TENT4B: variants seen among roughly 807,000 people sequenced by gnomAD.
The protein encoded by TENT4B is PAP associated domain containing 5.
Under a neutral mutation model 75.0 loss-of-function variants are expected in TENT4B, and 10 were observed. That is an observed-to-expected ratio of 0.13 (90% CI 0.08 to 0.23). The LOEUF is 0.23. TENT4B is among the 10% of genes least tolerant of loss of function. TENT4B has a pLI of 1.00. For missense variants in TENT4B, 579 were observed against 893.8 expected, an observed-to-expected ratio of 0.65 and a Z score of 4.49; for synonymous variants, 350 against 357.7, an observed-to-expected ratio of 0.98 and a Z score of 0.24.
rs1476853960 is a variant in TENT4B at position 50,232,500 on chromosome 16, A to G, written c.*3172A>G. On this transcript the variant is annotated 3_prime_UTR_variant, in exon 12 of 12. Coordinates refer to ENST00000561678, the MANE Select transcript of TENT4B (RefSeq NM_001365324.3). ...AATTGTCTTTTTCTGCTGGAACCTT[A>G]TATCTCTCCATGTGTTTTCTGCTCC... 11 of 985,318 alleles carry G rather than the reference A, an allele frequency of 1.1e-5. No homozygotes were observed. The highest frequency in any genetic ancestry group is 1.2e-5 in the Non-Finnish European group (10 of 829,932). 61.0% of individuals were successfully genotyped at this position (985,318 alleles called of 1,614,324 possible).
chr16:50,210,515 A>G (rs1432965551), intron 1 of TENT4B, among the ~76,000 whole-genome samples: 4 of 151,998 alleles, frequency 2.6e-5, no homozygotes, highest in Middle Eastern at 3.2e-3. Flanking sequence ...TCCTTTTGCA[A>G]CTCAGTGATT....
intron 3 of TENT4B, among the ~76,000 whole-genome samples, chr16:50,214,847 C>G (rs1433155533): frequency 1.3e-5 from 2 of 151,968 alleles, no homozygotes; most frequent in African/African-American, 4.8e-5. Flanking sequence ...TTGCTCAGTC[C>G]CATAACTTAA....
intron 1 of TENT4B, among the ~76,000 whole-genome samples, chr16:50,180,631 C>T (rs1190039436): frequency 1.3e-5 from 2 of 150,702 alleles, no homozygotes; most frequent in African/African-American, 4.9e-5. Flanking sequence ...ATCGCTTTAA[C>T]TTAGGAGGTG....
intron 1 of TENT4B, among the ~76,000 whole-genome samples, chr16:50,167,110 A>T (rs570427480): frequency 7.2e-5 from 11 of 152,280 alleles, no homozygotes; most frequent in African/African-American, 2.6e-4. Flanking sequence ...TTTATATTCT[A>T]GATCGGGGTG....
At chr16:50,176,291 C>T (rs2038307100) in intron 1 of TENT4B, among the ~76,000 whole-genome samples, 1 of 151,510 alleles carries the variant, frequency 6.6e-6, no homozygotes, top group Admixed American at 6.6e-5. Context: ...CTTTCTTTTT[C>T]TCAGCCTGGT....
intron 1 of TENT4B, among the ~76,000 whole-genome samples, chr16:50,195,600 A>T (rs1040510219): frequency 2.6e-5 from 4 of 152,192 alleles, no homozygotes; most frequent in Non-Finnish European, 5.9e-5. Context: ...GCTTTAAATT[A>T]TGTCTGGCTT....
chr16:50,191,980 C>G (rs1231729643), intron 1 of TENT4B, among the ~76,000 whole-genome samples: 1 of 150,772 alleles, frequency 6.6e-6, no homozygotes, highest in East Asian at 2.0e-4. Context: ...TGGTGTCTCA[C>G]GCTTGTAATC....
At chr16:50,199,194 G>C (rs1455062366) in intron 1 of TENT4B, among the ~76,000 whole-genome samples, 2 of 152,240 alleles carry the variant, frequency 1.3e-5, no homozygotes, top group Admixed American at 6.5e-5. Context: ...TCCTAAGGAA[G>C]ATACCACGTG....
intron 1 of TENT4B, among the ~76,000 whole-genome samples, chr16:50,210,426 G>A (rs143872285): frequency 2.0e-5 from 3 of 152,164 alleles, no homozygotes; most frequent in Non-Finnish European, 2.9e-5. Context: ...GCGCCTATCC[G>A]CAGGGTGTGG....
rs1245988670 is a variant in TENT4B, at chr16:50,235,158, C to T, written c.*5830C>T. The T allele has an allele frequency of 2.0e-6, 1 of 499,518 alleles. No homozygotes were observed. The highest frequency in any genetic ancestry group is 2.6e-6 in the Non-Finnish European group (1 of 385,870). 30.9% of individuals were successfully genotyped at this position (499,518 alleles called of 1,614,324 possible). Reference sequence around the variant, plus strand: ...TTGCACACCTGGAAGATTTTTTAAGCTAATGACAGTTTCTTCAAAGATGTC... The same window carrying T: ...TTGCACACCTGGAAGATTTTTTAAGTTAATGACAGTTTCTTCAAAGATGTC... On this transcript the variant is annotated 3_prime_UTR_variant, in exon 12 of 12. Coordinates refer to ENST00000561678, the MANE Select transcript of TENT4B (RefSeq NM_001365324.3).
chr16:50,229,015 G>GT, intron 11 of TENT4B, 137 bp from the exon 12 acceptor site: 1 of 1,473,498 alleles, frequency 6.8e-7, no homozygotes, highest in Non-Finnish European at 9.0e-7. Context: ...CTGCCCACTA[G>GT]ATAAGTCAGT....
rs138622193 is a variant in TENT4B at position 50,170,813 on chromosome 16, C to T, written c.638+16554C>T. On this transcript the variant is annotated intron_variant, in intron 1 of 11. Transcript: ENST00000561678. ...TCCTGAGTAGCTGGGACTACAGGTG[C>T]GGGCCATCATGCCTGGCTCATTTTT... Among the ~76,000 whole-genome samples the T allele has an allele frequency of 4.3e-3, 647 of 152,134 alleles. 5 individuals carry two copies. Among genetic ancestry groups the T allele is most frequent in the African/African-American group, 0.015 (624 of 41,502 alleles).
At chr16:50,188,984 T>A (rs1369661507) in intron 1 of TENT4B, among the ~76,000 whole-genome samples, 3 of 152,224 alleles carry the variant, frequency 2.0e-5, no homozygotes, top group Non-Finnish European at 4.4e-5. Flanking sequence ...ATCTCACTGT[T>A]GTCTACTCTG....
chr16:50,225,636 A>G (rs1317354978), intron 10 of TENT4B, among the ~76,000 whole-genome samples: 1 of 151,644 alleles, frequency 6.6e-6, no homozygotes, highest in Non-Finnish European at 1.5e-5. Context: ...AGAGTACTGT[A>G]GCTTGTGCAT....
chr16:50,187,789 T>A (rs1281653306), intron 1 of TENT4B, among the ~76,000 whole-genome samples: 1 of 150,910 alleles, frequency 6.6e-6, no homozygotes, highest in Non-Finnish European at 1.5e-5. Context: ...CTTTGAGAGG[T>A]CAAGGTGGGA....
chr16:50,224,582 TG>T, intron 7 of TENT4B, 74 bp from the exon 8 acceptor site: 1 of 1,578,260 alleles, frequency 6.3e-7, no homozygotes, highest in Non-Finnish European at 8.6e-7. Flanking sequence ...CTTGCTCTCC[TG>T]GAAGAGAGTC....
Position 50,154,123 on chromosome 16 carries a change from A to G in TENT4B, c.502A>G (p.Ser168Gly), listed in dbSNP as rs2037840480. Reference sequence around the variant, plus strand: ...CAAGAGGAAGCGCGACAACAAGGCCAGCACGTATGGACTCAACTACAGCCT... The same window carrying G: ...CAAGAGGAAGCGCGACAACAAGGCCGGCACGTATGGACTCAACTACAGCCT... ...SNKRKRDNKA[S>G]TYGLNYSLLQ... Residue 168 changes from serine to glycine, a missense_variant, in exon 1 of 12, where the codon AGC becomes GGC. This residue lies in a region of TENT4B where 253 missense variants were observed against 270.1 expected (regional missense o/e 0.94). Transcript: ENST00000561678. 4 of 1,530,520 alleles carry G rather than the reference A, an allele frequency of 2.6e-6. No individual in the cohort carries two copies. The highest frequency in any genetic ancestry group is 2.6e-6 in the Non-Finnish European group (3 of 1,144,786). 94.8% of individuals were successfully genotyped at this position (1,530,520 alleles called of 1,614,324 possible).
chr16:50,212,598 A>G (rs1009032434), intron 2 of TENT4B, among the ~76,000 whole-genome samples: 6 of 152,186 alleles, frequency 3.9e-5, no homozygotes, highest in Non-Finnish European at 7.3e-5. Flanking sequence ...CAGTATGTAT[A>G]TGACACTGTA....
chr16:50,224,978 T>A lies in TENT4B; in HGVS notation c.1596T>A (p.Pro532=), dbSNP rs749356872. 6.2e-7 allele frequency: 1 copy of A among 1,613,560 alleles called. No individual in the cohort carries two copies. Among genetic ancestry groups the A allele is most frequent in the Non-Finnish European group, 8.5e-7 (1 of 1,179,528 alleles). ...AGCAGTGGGGCTTGAAGAATAGACCTGAGCCTTCATGCAATGGTAAGATAT... is the reference window on the plus strand; with the variant it reads ...AGCAGTGGGGCTTGAAGAATAGACCAGAGCCTTCATGCAATGGTAAGATAT... The part of the protein sequence containing the change: ...ISKQWGLKNR[P]EPSCNGNGVT... Residue 532 remains proline (P), a synonymous_variant, in exon 9 of 12, where the codon CCT becomes CCA. Coordinates refer to ENST00000561678, the MANE Select transcript of TENT4B (RefSeq NM_001365324.3).
Sources: gnomAD v4.1 joint callset for allele counts (sites outside exome capture counted in the v4.1 genomes callset) on GRCh38, gnomAD v4.1.1 for gene constraint, gnomAD v4.1.1 regional missense constraint, MANE v1.5 for transcripts, NCBI Gene and HGNC (gene_info 2026-07-23, HGNC 2026-07-21) for gene names.